CEP162: variants seen among roughly 807,000 people sequenced by gnomAD.
CEP162 encodes the protein centrosomal protein 162.
A neutral mutation model predicts 169.2 loss-of-function variants in CEP162; 141 were observed. The ratio of observed to expected loss-of-function variants is 0.83; its 90% CI spans 0.73 to 0.96. The LOEUF (loss-of-function observed/expected upper bound fraction) is 0.96, where lower values mean the gene tolerates loss of function less well. Among genes scored for constraint, CEP162 ranks in the 40% least tolerant of loss-of-function variants. The probability of loss-of-function intolerance (pLI) is 0.00; values close to 1 mark genes in which losing one functional copy is unlikely to be tolerated. For synonymous variants in CEP162, 540 were observed against 526.4 expected (o/e 1.03, Z -0.35); for missense variants, 1,600 against 1,587.2 (o/e 1.01, Z -0.14).
intron 23 of CEP162, among the ~76,000 whole-genome samples, chr6:84,151,115 A>G (rs1376330525): frequency 6.6e-6 from 1 of 152,144 alleles, no homozygotes; most frequent in Non-Finnish European, 1.5e-5. Context: ...GTGACAGATT[A>G]GGTAAGTAGA....
chr6:84,153,084 T>C lies in CEP162; in HGVS notation c.3090A>G (p.Glu1030=). The C allele has an allele frequency of 6.2e-7, 1 of 1,613,378 alleles. No homozygotes were observed. The highest frequency in any genetic ancestry group is 1.1e-5 in the South Asian group (1 of 91,030). ...GATGGGCTTCCTTGATGTCATCAAG[T>C]TCCTTCTCTAGGGCTTTAATTCTGG... is the stretch of plus-strand genomic sequence containing the variant. ...DSPRIKALEK[E]LDDIKEAHQI... is the part of the protein sequence containing the mutation. The change falls in exon 23 of 27, where the codon GAA becomes GAG. Residue 1030 remains glutamate, a synonymous_variant. Transcript: ENST00000403245.
intron 25 of CEP162, among the ~76,000 whole-genome samples, chr6:84,133,243 C>A (rs188255888): frequency 1.3e-4 from 20 of 152,212 alleles, no homozygotes; most frequent in African/African-American, 4.8e-4. Context: ...GAGGGGCACC[C>A]GGCTGTATGA....
chr6:84,200,450 A>G (rs1588860912), intron 9 of CEP162, among the ~76,000 whole-genome samples: 1 of 152,348 alleles, frequency 6.6e-6, no homozygotes, highest in East Asian at 1.9e-4. Flanking sequence ...CAATAAGACC[A>G]AAGTCCCATT....
chr6:84,218,929 A>T (rs554215706), intron 3 of CEP162, among the ~76,000 whole-genome samples: 2 of 152,356 alleles, frequency 1.3e-5, no homozygotes, highest in East Asian at 3.9e-4. Context: ...CAAGTTCACA[A>T]GAGATTAATA....
In CEP162 at chr6:84,194,886, G is replaced by C. The variant is rs17790493; in HGVS notation, c.1025C>G (p.Ser342Cys). Reference protein sequence around the residue: ...ENSKNISTMESDLPTVEELMK... With the variant: ...ENSKNISTMECDLPTVEELMK... ...AAAATTCATCTGTAAGTTTTTACCA[G>C]ATTCCATAGTAGAGATGTTTTTTGA... The change falls in exon 10 of 27, where the codon TCT (serine) becomes TGT (cysteine). Residue 342 changes from serine to cysteine, a missense_variant and splice_region_variant. By Grantham distance (112) the Ser-to-Cys change is moderately radical. Transcript: ENST00000403245. The C allele has an allele frequency of 0.023, 36,829 of 1,594,024 alleles. 508 individuals carry two copies. Among genetic ancestry groups the C allele is most frequent in the Non-Finnish European group, 0.026 (30,741 of 1,169,650 alleles).
intron 5 of CEP162, among the ~76,000 whole-genome samples, chr6:84,213,584 T>C (rs999433297): frequency 6.6e-6 from 1 of 152,188 alleles, no homozygotes; most frequent in African/African-American, 2.4e-5. Context: ...CAGTTCTACC[T>C]TTTCAGTCTA....
rs748816453 is a variant in CEP162, at chr6:84,193,588, CAATA to C, written c.1109+17_1109+20del. 173 of 1,453,856 alleles carry C rather than the reference CAATA, an allele frequency of 1.2e-4. No individual in the cohort carries two copies. The highest frequency in any genetic ancestry group is 1.5e-4 in the Non-Finnish European group (165 of 1,066,222). 90.1% of individuals were successfully genotyped at this position (1,453,856 alleles called of 1,614,324 possible). A position where few individuals can be genotyped will look rare whatever the true frequency, so the allele number is the denominator to read the frequency against. On this transcript the variant is annotated intron_variant, in intron 11 of 26. Coordinates refer to ENST00000403245, the MANE Select transcript of CEP162 (RefSeq NM_014895.4). ...ACTATAAAAGTTTCCAATGACAAAA[CAATA>C]AATAAAAAATTCATACCTGACAGGT...
At chr6:84,163,386 G>A (rs775694715) in intron 18 of CEP162, 116 bp from the exon 19 acceptor site, 155 of 757,370 alleles carry the variant, frequency 2.0e-4, no homozygotes, top group Middle Eastern at 3.8e-4. Context: ...CTAAATTTTA[G>A]CTCTGATGTT....
rs567030158 is a variant in CEP162, at chr6:84,216,358, A to G, written c.173-436T>C. Among the ~76,000 whole-genome samples the G allele has an allele frequency of 6.2e-4, 94 of 152,308 alleles. 2 individuals are homozygous for G. The highest frequency in any genetic ancestry group is 2.2e-3 in the African/African-American group (90 of 41,578). On this transcript the variant is annotated intron_variant, in intron 3 of 26. Coordinates refer to ENST00000403245, the MANE Select transcript of CEP162 (RefSeq NM_014895.4). ...AATACAAGGTGGCAAAGTAGGTACA[A>G]TTAAAAACCTACTAGGTTAGACAGA... is the stretch of plus-strand genomic sequence containing the variant.
intron 3 of CEP162, among the ~76,000 whole-genome samples, chr6:84,220,784 C>T (rs987991140): frequency 3.3e-5 from 5 of 152,052 alleles, no homozygotes; most frequent in African/African-American, 1.2e-4. Context: ...TATCATTAAA[C>T]ATGATAATAA....
chr6:84,222,978 T>C (rs1253432347), intron 2 of CEP162, among the ~76,000 whole-genome samples: 1 of 152,238 alleles, frequency 6.6e-6, no homozygotes, highest in Admixed American at 6.5e-5. Context: ...TTTTACTTAC[T>C]CTCTAAACTT....
intron 16 of CEP162, 93 bp from the exon 17 acceptor site, chr6:84,171,811 G>C: frequency 2.3e-6 from 1 of 442,884 alleles, no homozygotes; most frequent in Non-Finnish European, 3.9e-6. Context: ...TCCTTTAAAC[G>C]GCCTTTTAAG....
At chr6:84,155,851 G>C (rs1285670833) in intron 21 of CEP162, among the ~76,000 whole-genome samples, 1 of 152,082 alleles carries the variant, frequency 6.6e-6, no homozygotes, top group Non-Finnish European at 1.5e-5. Flanking sequence ...AATTACCAAA[G>C]TCATTTTTCA....
Position 84,193,625 on chromosome 6 carries a change from C to A in CEP162, c.1093G>T (p.Asp365Tyr), listed in dbSNP as rs779646506. 2 of 1,559,348 alleles carry A rather than the reference C, an allele frequency of 1.3e-6. No individual in the cohort carries two copies. The highest frequency in any genetic ancestry group is 2.4e-5 in the South Asian group (2 of 84,302). Residue 365 changes from aspartate (D) to tyrosine (Y), a missense_variant, in exon 11 of 27, where the codon GAT (aspartate) becomes TAT (tyrosine). Coordinates refer to ENST00000403245, the MANE Select transcript of CEP162 (RefSeq NM_014895.4). The stretch of plus-strand genomic sequence containing the variant: ...AATTCATACCTGACAGGTTGTAAAT[C>A]AAAACCACTGATCCCAAAGGAATCT... The part of the protein sequence containing the change: ...RIDSFGISGF[D>Y]LQPVSSEKVA...
In CEP162 at chr6:84,160,857, T is replaced by C; in HGVS notation, c.2736A>G (p.Lys912=). The change falls in exon 21 of 27, where the codon AAA becomes AAG. Residue 912 remains lysine (K), a synonymous_variant. Transcript: ENST00000403245. The part of the protein sequence containing the change: ...NPSIRQKIRL[K]DKAADAKKIQ... ...TTTTTTTGGCATCTGCTGCTTTATC[T>C]TTTAAGCGTATCTTCTGCCGAATAG... The C allele has an allele frequency of 6.2e-7, 1 of 1,613,294 alleles. No individual in the cohort carries two copies. Among genetic ancestry groups the C allele is most frequent in the Non-Finnish European group, 8.5e-7 (1 of 1,179,530 alleles).
In CEP162 at chr6:84,215,388, G is replaced by C; in HGVS notation, c.397C>G (p.Gln133Glu). The C allele has an allele frequency of 6.2e-7, 1 of 1,609,434 alleles. No homozygotes were observed. The highest frequency in any genetic ancestry group is 1.3e-5 in the African/African-American group (1 of 74,954). ...CCTTTCTCAAGCCTGGCAAAAAATT[G>C]TTCTTTCTCCTCTTGTTCTTCTAAT... ...DTLEEQEEKE[Q>E]FFARLEKGLT... The change falls in exon 5 of 27, where the codon CAA (glutamine) becomes GAA (glutamate). Residue 133 changes from glutamine to glutamate, a missense_variant. By Grantham distance (29) the Gln-to-Glu change is conservative. Transcript: ENST00000403245.
At chr6:84,128,554 T>C (rs939125291) in intron 25 of CEP162, among the ~76,000 whole-genome samples, 6 of 152,164 alleles carry the variant, frequency 3.9e-5, no homozygotes, top group African/African-American at 9.7e-5. Flanking sequence ...AGCCACCATA[T>C]AGAAGTTATT....
chr6:84,224,268 G>A (rs2099554861), intron 2 of CEP162, among the ~76,000 whole-genome samples: 1 of 152,124 alleles, frequency 6.6e-6, no homozygotes, highest in South Asian at 2.1e-4. Flanking sequence ...ATCATGCTAA[G>A]TACAAGAAAC....
chr6:84,163,003 C>T (rs2099526389), intron 19 of CEP162, 141 bp downstream of exon 19: 6 of 765,370 alleles, frequency 7.8e-6, no homozygotes, highest in Admixed American at 5.6e-5. Flanking sequence ...CTTTTAATAA[C>T]TAATTTTAAA....
Sources: gnomAD v4.1 joint callset for allele counts (sites outside exome capture counted in the v4.1 genomes callset) on GRCh38, gnomAD v4.1.1 for gene constraint, MANE v1.5 for transcripts, NCBI Gene and HGNC (gene_info 2026-07-23, HGNC 2026-07-21) for gene names.